Variants in SUGCT observed in about 807,000 individuals in gnomAD.
SUGCT encodes the protein succinyl-CoA:glutarate CoA-transferase.
A neutral mutation model predicts 55.0 loss-of-function variants in SUGCT; 41 were observed. The observed-to-expected ratio is 0.74, with a 90% CI of 0.58 to 0.97. The LOEUF (loss-of-function observed/expected upper bound fraction) is 0.97. Among genes scored for constraint, SUGCT ranks in the 50% least tolerant of loss-of-function variants. SUGCT has a pLI of 0.00. For missense variants in SUGCT, 568 were observed against 547.8 expected, an observed-to-expected ratio of 1.04 and a Z score of -0.37; for synonymous variants, 187 against 200.4, an observed-to-expected ratio of 0.93 and a Z score of 0.56.
At chr7:40,311,382 A>T (rs547573148) in intron 8 of SUGCT, among the ~76,000 whole-genome samples, 6 of 152,146 alleles carry the variant, frequency 3.9e-5, no homozygotes, top group Admixed American at 6.5e-5. Flanking sequence ...AATGTGGGGG[A>T]TCCCTATGGG....
At chr7:41,000,488 T>C in the SUGCT span, among the ~76,000 whole-genome samples, 1 of 152,090 alleles carries the variant, frequency 6.6e-6, no homozygotes, top group Non-Finnish European at 1.5e-5. Flanking sequence ...TTAGTTGTTT[T>C]TTTTTTTTGT....
At chr7:40,316,359 G>T (rs1222887486) in intron 8 of SUGCT, among the ~76,000 whole-genome samples, 1 of 152,092 alleles carries the variant, frequency 6.6e-6, no homozygotes, top group Non-Finnish European at 1.5e-5. Flanking sequence ...GATGACACAG[G>T]CTCTCTTTGT....
intron 12 of SUGCT, among the ~76,000 whole-genome samples, chr7:40,673,695 T>C (rs1323124400): frequency 1.3e-5 from 2 of 152,234 alleles, no homozygotes; most frequent in Non-Finnish European, 2.9e-5. Flanking sequence ...TAAACTTCTT[T>C]TATAGTCACC....
chr7:40,137,843 G>A lies in SUGCT; in HGVS notation c.100+2723G>A, dbSNP rs531547828. ...ACCAGAAGTGTGTGCCACCATGCCTGGCTAATTTTTGTATTTTTTGAAGAC... is the reference window on the plus strand; with the variant it reads ...ACCAGAAGTGTGTGCCACCATGCCTAGCTAATTTTTGTATTTTTTGAAGAC... On this transcript the variant is annotated intron_variant, in intron 1 of 13. Transcript: ENST00000335693. 3.9e-5 allele frequency among the ~76,000 whole-genome samples: 6 copies of A among 152,182 alleles called. No individual in the cohort carries two copies. The South Asian group carries it at 1.2e-3, about 32-fold the overall frequency.
rs1286737775 is a variant in SUGCT, at chr7:40,246,168, C to T, written c.576+8442C>T. 2.0e-5 allele frequency among the ~76,000 whole-genome samples: 3 copies of T among 152,220 alleles called. No individual in the cohort carries two copies. In the East Asian group the frequency reaches 5.8e-4, roughly 29 times the overall value. ...CTTTTTCTATTCCCAAGCAATACTA[C>T]CTCCTCCAGAGATAACCACTATTTT... On this transcript the variant is annotated intron_variant, in intron 7 of 13. Transcript: ENST00000335693.
intron 9 of SUGCT, among the ~76,000 whole-genome samples, chr7:40,419,257 C>G (rs1400403238): frequency 6.6e-6 from 1 of 152,028 alleles, no homozygotes; most frequent in Non-Finnish European, 1.5e-5. Context: ...GACAGAGGTA[C>G]CAAAAACTAG....
chr7:40,268,051 C>G (rs1791723832), intron 7 of SUGCT, among the ~76,000 whole-genome samples: 1 of 151,806 alleles, frequency 6.6e-6, no homozygotes. Context: ...TTTATTTTTC[C>G]TGCTTCATTT....
At chr7:40,488,415 A>G (rs567772249) in intron 11 of SUGCT, among the ~76,000 whole-genome samples, 1 of 152,256 alleles carries the variant, frequency 6.6e-6, no homozygotes, top group East Asian at 1.9e-4. Context: ...CATTCATCAC[A>G]TTACATTCCA....
intron 12 of SUGCT, among the ~76,000 whole-genome samples, chr7:40,688,837 A>C (rs1784571153): frequency 6.6e-6 from 1 of 152,132 alleles, no homozygotes; most frequent in South Asian, 2.1e-4. Flanking sequence ...AATTAAAAGT[A>C]GCATATTTGT....
intron 13 of SUGCT, among the ~76,000 whole-genome samples, chr7:40,777,685 G>T (rs1789532716): frequency 1.3e-5 from 2 of 152,064 alleles, no homozygotes; most frequent in Non-Finnish European, 2.9e-5. Flanking sequence ...GCCATGGTTG[G>T]ACTACCCCAG....
intron 9 of SUGCT, among the ~76,000 whole-genome samples, chr7:40,430,933 G>A (rs1254745634): frequency 6.6e-6 from 1 of 151,948 alleles, no homozygotes; most frequent in African/African-American, 2.4e-5. Context: ...TGGCCAACAT[G>A]ATGAAACCCT....
At chr7:40,517,938 A>G (rs190137687) in intron 12 of SUGCT, among the ~76,000 whole-genome samples, 2 of 152,254 alleles carry the variant, frequency 1.3e-5, no homozygotes, top group Admixed American at 1.3e-4. Flanking sequence ...CCATTATCTG[A>G]AAGGAAAAAC....
Position 40,237,444 on chromosome 7 carries a change from C to CA in SUGCT, c.485-182dup, listed in dbSNP as rs201388595. On this transcript the variant is annotated intron_variant, in intron 6 of 13. Transcript: ENST00000335693. ...GCTCGACGGGAACGAGACTCCATCTCAAAAAAAAATGAGTAGCCGGGGTCG... is the reference window on the plus strand; with the variant it reads ...GCTCGACGGGAACGAGACTCCATCTCAAAAAAAAAATGAGTAGCCGGGGTCG... Among the ~76,000 whole-genome samples the CA allele has an allele frequency of 6.4e-3, 962 of 150,272 alleles. 10 individuals carry two copies. Among genetic ancestry groups the CA allele is most frequent in the African/African-American group, 0.022 (919 of 41,082 alleles).
chr7:40,915,256 C>T, the SUGCT span, among the ~76,000 whole-genome samples: 1 of 152,066 alleles, frequency 6.6e-6, no homozygotes, highest in Non-Finnish European at 1.5e-5. Flanking sequence ...GGAAAGACTT[C>T]AGGGATGGAC....
intron 1 of SUGCT, chr7:40,141,827 GGCAATGTACTTCTATAGAAGAAT>G (rs1788001402): frequency 2.4e-6 from 1 of 409,802 alleles, no homozygotes; most frequent in African/African-American, 2.0e-5. Context: ...TTCTCAGCAA[GGCAATGTACTTCTATAGAAGAAT>G]GCGCCCTTAC....
intron 7 of SUGCT, among the ~76,000 whole-genome samples, chr7:40,252,922 C>T (rs1489866098): frequency 6.6e-6 from 1 of 152,220 alleles, no homozygotes; most frequent in Non-Finnish European, 1.5e-5. Flanking sequence ...GCTGGGATTA[C>T]AGGTGCAAGC....
chr7:40,934,678 C>CA, the SUGCT span, among the ~76,000 whole-genome samples: 3 of 54 alleles, frequency 0.056, no homozygotes, highest in African/African-American at 0.17. Context: ...CAGGCTGCAG[C>CA]TTGCAGGTCG....
chr7:40,584,334 A>T (rs189846065), intron 12 of SUGCT, among the ~76,000 whole-genome samples: 1 of 152,320 alleles, frequency 6.6e-6, no homozygotes, highest in East Asian at 1.9e-4. Flanking sequence ...AAATTTAGTT[A>T]ATGACATAAA....
chr7:40,229,571 G>A (rs1400914925), intron 6 of SUGCT, among the ~76,000 whole-genome samples: 4 of 151,610 alleles, frequency 2.6e-5, no homozygotes, highest in African/African-American at 9.7e-5. Flanking sequence ...TCAGCACTTT[G>A]GGAGGCTGAG....
Sources: gnomAD v4.1 joint callset for allele counts (sites outside exome capture counted in the v4.1 genomes callset) on GRCh38, gnomAD v4.1.1 for gene constraint, MANE v1.5 for transcripts, NCBI Gene and HGNC (gene_info 2026-07-23, HGNC 2026-07-21) for gene names.